The following SLC6A4 variants were observed in gnomAD, a reference collection of about 807,000 sequenced individuals.
SLC6A4 encodes solute carrier family 6 member 4.
A neutral mutation model predicts 73.4 loss-of-function variants in SLC6A4; 22 were observed. The ratio of observed to expected loss-of-function variants is 0.30; its 90% CI spans 0.21 to 0.43. SLC6A4 has a LOEUF of 0.43. Among genes scored for constraint, SLC6A4 ranks in the 20% least tolerant of loss-of-function variants. The pLI is 1.00. For missense variants in SLC6A4, 593 were observed against 808.5 expected, an observed-to-expected ratio of 0.73 and a Z score of 3.23; for synonymous variants, 270 against 315.5, an observed-to-expected ratio of 0.86 and a Z score of 1.53.
At chr17:30,227,717 C>T (rs982387524) in intron 1 of SLC6A4, among the ~76,000 whole-genome samples, 4 of 152,162 alleles carry the variant, frequency 2.6e-5, no homozygotes, top group Non-Finnish European at 5.9e-5. Context: ...GAACTCCTGG[C>T]CTATGAGCAA....
intron 1 of SLC6A4, among the ~76,000 whole-genome samples, chr17:30,225,097 C>G (rs973836718): frequency 6.6e-6 from 1 of 152,138 alleles, no homozygotes; most frequent in Admixed American, 6.5e-5. Context: ...GACCGGGCAG[C>G]CTCTCCCCAC....
At position 30,197,786 on chromosome 17, in the gene SLC6A4, A is replaced by C. The variant is rs3813034; in HGVS notation, c.*670T>G. The C allele has an allele frequency of 0.41, 62,797 of 152,492 alleles. 14,415 individuals carry two copies. Among genetic ancestry groups the C allele is most frequent in the East Asian group, 0.8 (4,253 of 5,298 alleles). The allele number at this position is 152,492 out of a possible 1,614,324, so 9.4% of individuals were successfully genotyped here. On this transcript the variant is annotated 3_prime_UTR_variant, in exon 15 of 15. Coordinates refer to ENST00000650711, the MANE Select transcript of SLC6A4 (RefSeq NM_001045.6). ...ACAATTGAGTTGGTAGAATTTGTTA[A>C]TGTAAGAAAAATTTGGGGAATTCAT...
At chr17:30,233,132 C>A (rs976121872) in intron 1 of SLC6A4, among the ~76,000 whole-genome samples, 1 of 152,182 alleles carries the variant, frequency 6.6e-6, no homozygotes, top group Non-Finnish European at 1.5e-5. Context: ...GAGTCTGCCT[C>A]ACTTGTCCCA....
In SLC6A4 at chr17:30,211,441, A is replaced by AGAG; in HGVS notation, c.1205-20_1205-18dup. ...GGCTGGGACCTGAGACAGAGGGGAGAGAGGAGGAGGTGGTTGACAAGACCT... is the reference window on the plus strand; with the variant it reads ...GGCTGGGACCTGAGACAGAGGGGAGAGAGGAGGAGGAGGTGGTTGACAAGACCT... On this transcript the variant is annotated splice_polypyrimidine_tract_variant and intron_variant, in intron 9 of 14. Transcript: ENST00000650711. This position sits in a 1 kb window ranked among gnomAD's most constrained non-coding sequence, Gnocchi z 4.0. 3.3e-6 allele frequency: 5 copies of AGAG among 1,531,252 alleles called. No homozygotes were observed. The highest frequency in any genetic ancestry group is 4.5e-6 in the Non-Finnish European group (5 of 1,104,490). 94.9% of individuals were successfully genotyped at this position (1,531,252 alleles called of 1,614,324 possible). A position where few individuals can be genotyped will look rare whatever the true frequency, so the allele number is the denominator to read the frequency against.
intron 1 of SLC6A4, among the ~76,000 whole-genome samples, chr17:30,234,826 T>C (rs1423577472): frequency 2.0e-5 from 3 of 152,102 alleles, no homozygotes; most frequent in African/African-American, 7.2e-5. Context: ...CCTCTCAAAT[T>C]CTTCAGAGTC....
intron 1 of SLC6A4, among the ~76,000 whole-genome samples, chr17:30,232,256 A>C (rs1277920848): frequency 6.6e-6 from 1 of 152,218 alleles, no homozygotes; most frequent in African/African-American, 2.4e-5. Flanking sequence ...CTCCCAAAGC[A>C]CACAATGGGT....
chr17:30,217,306 TG>T lies in SLC6A4; in HGVS notation c.699-3del, dbSNP rs2143015024. ...CGGTGGATCTGCAGGACGTGGCGCCTGGGGTGAAGGAGAAAGAAAGGCCCCT... is the reference window on the plus strand; with the variant it reads ...CGGTGGATCTGCAGGACGTGGCGCCTGGGTGAAGGAGAAAGAAAGGCCCCT... On this transcript the variant is annotated splice_region_variant and splice_polypyrimidine_tract_variant and intron_variant, in intron 5 of 14. Transcript: ENST00000650711. The T allele has an allele frequency of 6.2e-7, 1 of 1,613,008 alleles. No homozygotes were observed. The highest frequency in any genetic ancestry group is 8.5e-7 in the Non-Finnish European group (1 of 1,179,548).
rs201771221 is a variant in SLC6A4, at chr17:30,207,723, G to A, written c.1650+9C>T. 3 of 1,579,628 alleles carry A rather than the reference G, an allele frequency of 1.9e-6. No individual in the cohort carries two copies. Among genetic ancestry groups the A allele is most frequent in the Non-Finnish European group, 2.6e-6 (3 of 1,148,566 alleles). ...CAGGGCAAGGAGGAGAAGGGAAATGGCAACTCACCAGGAGAAACAGAGGGC... is the reference window on the plus strand; with the variant it reads ...CAGGGCAAGGAGGAGAAGGGAAATGACAACTCACCAGGAGAAACAGAGGGC... On this transcript the variant is annotated intron_variant, in intron 13 of 14. Transcript: ENST00000650711.
At chr17:30,202,581 C>T (rs1906072013) in intron 14 of SLC6A4, among the ~76,000 whole-genome samples, 1 of 152,134 alleles carries the variant, frequency 6.6e-6, no homozygotes, top group Admixed American at 6.5e-5. Flanking sequence ...TTGTAAGGTA[C>T]TGTTATTAAC....
At chr17:30,219,862 G>T (rs1179522660) in intron 3 of SLC6A4, among the ~76,000 whole-genome samples, 1 of 152,188 alleles carries the variant, frequency 6.6e-6, no homozygotes, top group Non-Finnish European at 1.5e-5. Context: ...AAATCAGAAA[G>T]GTCCATGTAA....
At chr17:30,234,745 T>A (rs1907218604) in intron 1 of SLC6A4, among the ~76,000 whole-genome samples, 1 of 152,222 alleles carries the variant, frequency 6.6e-6, no homozygotes, top group Non-Finnish European at 1.5e-5. Context: ...CCAGGTTCAC[T>A]TTTCTGGACA....
intron 1 of SLC6A4, among the ~76,000 whole-genome samples, chr17:30,231,051 G>A (rs1361260298): frequency 1.3e-5 from 2 of 152,114 alleles, no homozygotes; most frequent in African/African-American, 4.8e-5. Flanking sequence ...GAGTAACACT[G>A]TATGCTAAAA....
chr17:30,226,565 T>C (rs943889765), intron 1 of SLC6A4, among the ~76,000 whole-genome samples: 6 of 152,138 alleles, frequency 3.9e-5, no homozygotes, highest in African/African-American at 1.4e-4. Context: ...CTGGGTGTGG[T>C]GGCGGGTGCC....
intron 1 of SLC6A4, among the ~76,000 whole-genome samples, chr17:30,232,349 C>T (rs1170933921): frequency 6.6e-6 from 1 of 152,222 alleles, no homozygotes; most frequent in Non-Finnish European, 1.5e-5. Flanking sequence ...CACCTCTTCC[C>T]TCCCTACCTC....
chr17:30,232,832 C>A (rs1206730856), intron 1 of SLC6A4, among the ~76,000 whole-genome samples: 1 of 152,214 alleles, frequency 6.6e-6, no homozygotes, highest in Non-Finnish European at 1.5e-5. Flanking sequence ...AAGGGAGCAG[C>A]CCCTGCAGAG....
Position 30,196,998 on chromosome 17 carries a change from T to C in SLC6A4, c.*1458A>G, listed in dbSNP as rs1905883663. ...ATAAGGTTGTTAGAATTAAATTTCATTTATACAGAGAACTGAAGTGATAGG... is the reference window on the plus strand; with the variant it reads ...ATAAGGTTGTTAGAATTAAATTTCACTTATACAGAGAACTGAAGTGATAGG... On this transcript the variant is annotated 3_prime_UTR_variant, in exon 15 of 15. Transcript: ENST00000650711. 1 of 152,316 alleles carries C rather than the reference T, an allele frequency of 6.6e-6. No homozygotes were observed. Among genetic ancestry groups the C allele is most frequent in the Non-Finnish European group, 1.5e-5 (1 of 68,038 alleles). The allele number at this position is 152,316 out of a possible 1,614,324, so 9.4% of individuals were successfully genotyped here.
At chr17:30,230,044 GAAA>G (rs776991906) in intron 1 of SLC6A4, among the ~76,000 whole-genome samples, 49 of 81,306 alleles carry the variant, frequency 6.0e-4, no homozygotes, top group Non-Finnish European at 1.0e-3. Flanking sequence ...AGAAAAAGAA[GAAA>G]GAAGAAGAAG....
chr17:30,229,387 G>A (rs954552592), intron 1 of SLC6A4, among the ~76,000 whole-genome samples: 15 of 152,154 alleles, frequency 9.9e-5, no homozygotes, highest in African/African-American at 3.1e-4. Flanking sequence ...AGTGCTACAC[G>A]ACGGCTTAGG....
intron 1 of SLC6A4, among the ~76,000 whole-genome samples, chr17:30,227,225 C>G (rs1270320812): frequency 1.3e-5 from 2 of 152,220 alleles, no homozygotes; most frequent in Non-Finnish European, 2.9e-5. Flanking sequence ...GCTGAAGGCA[C>G]TGCTGTGTTC....
Sources: gnomAD v4.1 joint callset for allele counts (sites outside exome capture counted in the v4.1 genomes callset) on GRCh38, gnomAD v4.1.1 for gene constraint, Gnocchi (gnomAD v3.1) non-coding constraint, MANE v1.5 for transcripts, NCBI Gene and HGNC (gene_info 2026-07-23, HGNC 2026-07-21) for gene names.